Variants in KIF2C observed in about 807,000 individuals in gnomAD.
The protein encoded by KIF2C is kinesin-like protein KIF2C.
KIF2C carries 34 observed loss-of-function variants against 97.4 expected under a neutral mutation model. That is an observed-to-expected ratio of 0.35 (90% confidence interval 0.27 to 0.46). KIF2C has a LOEUF of 0.46. Among genes scored for constraint, KIF2C ranks in the 20% least tolerant of loss-of-function variants. The pLI is 1.00. For synonymous variants in KIF2C, 313 were observed against 318.2 expected (o/e 0.98, Z 0.17); for missense variants, 750 against 907.6 (o/e 0.83, Z 2.23).
Position 44,739,975 on chromosome 1 carries a change from C to G in KIF2C, c.43C>G (p.Leu15Val). The change falls in exon 1 of 21, where the codon CTC becomes GTC. Residue 15 changes from leucine (L) to valine (V), a missense_variant. By Grantham distance (32) the Leu-to-Val change is conservative. Coordinates refer to ENST00000372224, the MANE Select transcript of KIF2C (RefSeq NM_006845.4). ...GCTTCAGGCCCGCCTGTTTCCCGGT[C>G]TCGCTATCAAGATCCAACGCAGTAA... ...SSLQARLFPG[L>V]AIKIQRSNGL... 6.2e-7 allele frequency: 1 copy of G among 1,614,232 alleles called. No individual in the cohort carries two copies. Among genetic ancestry groups the G allele is most frequent in the African/African-American group, 1.3e-5 (1 of 75,064 alleles).
At chr1:44,765,068 C>T (rs1650380972) in intron 19 of KIF2C, among the ~76,000 whole-genome samples, 3 of 152,052 alleles carry the variant, frequency 2.0e-5, no homozygotes, top group South Asian at 2.1e-4. Context: ...TATAGTGAGC[C>T]GAGATGGTGC....
At chr1:44,763,636 G>T (rs1054450285) in intron 19 of KIF2C, among the ~76,000 whole-genome samples, 1 of 152,178 alleles carries the variant, frequency 6.6e-6, no homozygotes, top group Non-Finnish European at 1.5e-5. Context: ...ACATGGGCAT[G>T]TCAGAGCTTT....
In KIF2C at chr1:44,762,433, G is replaced by T; in HGVS notation, c.1839G>T (p.Gly613=). 5 of 1,614,152 alleles carry T rather than the reference G, an allele frequency of 3.1e-6. No homozygotes were observed. The highest frequency in any genetic ancestry group is 4.2e-6 in the Non-Finnish European group (5 of 1,179,988). The change falls in exon 18 of 21, where the codon GGG becomes GGT. Residue 613 remains glycine (G), a synonymous_variant. Coordinates refer to ENST00000372224, the MANE Select transcript of KIF2C (RefSeq NM_006845.4). ...AAGAGATGGAAGCCTGCTCTAACGGGGCGCTGATTCCAGGCAATGTAAGGA... is the reference window on the plus strand; with the variant it reads ...AAGAGATGGAAGCCTGCTCTAACGGTGCGCTGATTCCAGGCAATGTAAGGA... ...ETEEMEACSN[G]ALIPGNLSKE...
At chr1:44,740,713 GT>G (rs1648888269) in intron 1 of KIF2C, among the ~76,000 whole-genome samples, 199 bp from the exon 2 acceptor site, 1 of 151,144 alleles carries the variant, frequency 6.6e-6, no homozygotes, top group South Asian at 2.1e-4. Flanking sequence ...TTAAAAACCT[GT>G]CCCCAGCCCA....
At chr1:44,740,848 T>C in intron 1 of KIF2C, 65 bp from the exon 2 acceptor site, 1 of 1,024,278 alleles carries the variant, frequency 9.8e-7, no homozygotes, top group Non-Finnish European at 1.4e-6. Context: ...GGAATCTCTG[T>C]GGAATCCTAA....
At chr1:44,753,955 A>ATTATTTTT in intron 7 of KIF2C, 122 bp downstream of exon 7, 1 of 192,994 alleles carries the variant, frequency 5.2e-6, no homozygotes, top group Non-Finnish European at 8.9e-6. Flanking sequence ...TGAGGCCCCA[A>ATTATTTTT]TTCTTTTTTT....
chr1:44,761,472 G>A (rs556719629), intron 16 of KIF2C, among the ~76,000 whole-genome samples: 5 of 152,250 alleles, frequency 3.3e-5, no homozygotes, highest in African/African-American at 1.2e-4. Flanking sequence ...GCCAGGTGTG[G>A]TGGCAGGTGC....
Position 44,767,120 on chromosome 1 carries a change from G to A in KIF2C, c.2119G>A (p.Ala707Thr). 1.9e-6 allele frequency: 3 copies of A among 1,614,156 alleles called. No homozygotes were observed. Among genetic ancestry groups the A allele is most frequent in the Non-Finnish European group, 2.5e-6 (3 of 1,180,004 alleles). Reference sequence around the variant, plus strand: ...AGATGTCATCAAGGCCTTGCGCCTGGCCATGCAGCTGGAAGAGCAGGCTAG... The same window carrying A: ...AGATGTCATCAAGGCCTTGCGCCTGACCATGCAGCTGGAAGAGCAGGCTAG... ...LRDVIKALRL[A>T]MQLEEQASRQ... The change falls in exon 21 of 21, where the codon GCC (alanine) becomes ACC (threonine). Residue 707 changes from alanine (A) to threonine (T), a missense_variant. Physicochemically the swap from Ala to Thr is moderately conservative, Grantham distance 58. Transcript: ENST00000372224.
At chr1:44,752,494 T>C (rs1389391691) in intron 5 of KIF2C, among the ~76,000 whole-genome samples, 1 of 152,190 alleles carries the variant, frequency 6.6e-6, no homozygotes, top group Non-Finnish European at 1.5e-5. Context: ...TTAGTAAATA[T>C]AAATAAAAAT....
At chr1:44,750,942 G>A (rs1483429147) in intron 5 of KIF2C, among the ~76,000 whole-genome samples, 1 of 152,092 alleles carries the variant, frequency 6.6e-6, no homozygotes, top group African/African-American at 2.4e-5. Flanking sequence ...TTTGGAAGAG[G>A]TGAAAGACTA....
rs1024625668 is a variant in KIF2C at position 44,761,975 on chromosome 1, T to C, written c.1743T>C (p.Tyr581=). ...AATATACTTTAAACACCCTGAGATA[T>C]GCAGACAGGTACTAGTACCTACAGC... The part of the protein sequence containing the change: ...SCEYTLNTLR[Y]ADRVKELSPH... The change falls in exon 17 of 21, where the codon TAT becomes TAC. Residue 581 remains tyrosine (Y), a synonymous_variant. Coordinates refer to ENST00000372224, the MANE Select transcript of KIF2C (RefSeq NM_006845.4). 6 of 1,613,842 alleles carry C rather than the reference T, an allele frequency of 3.7e-6. No individual in the cohort carries two copies. The highest frequency in any genetic ancestry group is 1.7e-5 in the Admixed American group (1 of 59,996).
At chr1:44,751,354 C>T (rs1284678836) in intron 5 of KIF2C, among the ~76,000 whole-genome samples, 2 of 152,058 alleles carry the variant, frequency 1.3e-5, no homozygotes, top group Non-Finnish European at 2.9e-5. Flanking sequence ...TGCCACCACG[C>T]CCGGCTAATT....
At chr1:44,766,053 A>G (rs1176740114) in intron 19 of KIF2C, among the ~76,000 whole-genome samples, 1 of 151,636 alleles carries the variant, frequency 6.6e-6, no homozygotes, top group African/African-American at 2.4e-5. Flanking sequence ...TCCGTCTTAA[A>G]GAAAAAATAA....
chr1:44,762,744 T>C, intron 19 of KIF2C, 86 bp downstream of exon 19: 1 of 857,058 alleles, frequency 1.2e-6, no homozygotes, highest in East Asian at 2.5e-5. Flanking sequence ...ACCTGGGCCT[T>C]GTTCCCACAG....
At chr1:44,751,039 G>A (rs1233962057) in intron 5 of KIF2C, among the ~76,000 whole-genome samples, 1 of 152,112 alleles carries the variant, frequency 6.6e-6, no homozygotes, top group Admixed American at 6.5e-5. Context: ...TTCATAAACA[G>A]AACACACTCA....
chr1:44,751,818 T>TA (rs1239490198), intron 5 of KIF2C, among the ~76,000 whole-genome samples: 2 of 104,842 alleles, frequency 1.9e-5, no homozygotes, highest in Non-Finnish European at 3.7e-5. Flanking sequence ...CCTCTTTTTA[T>TA]ACCTTTTTTT....
intron 1 of KIF2C, 107 bp from the exon 2 acceptor site, chr1:44,740,806 G>A (rs1383219648): frequency 1.1e-5 from 4 of 369,632 alleles, no homozygotes; most frequent in Non-Finnish European, 2.0e-5. Flanking sequence ...TTTTAAGGTA[G>A]CTGCCTGTTC....
chr1:44,741,379 C>CAAA (rs764626810), intron 2 of KIF2C, among the ~76,000 whole-genome samples: 2 of 58,490 alleles, frequency 3.4e-5, no homozygotes, highest in Middle Eastern at 0.011. Flanking sequence ...GAATCTGTCT[C>CAAA]AAAAAAAAAA....
rs1419687220 is a variant in KIF2C, at chr1:44,750,677, C to A, written c.439+113C>A. On this transcript the variant is annotated intron_variant, in intron 5 of 20. Coordinates refer to ENST00000372224, the MANE Select transcript of KIF2C (RefSeq NM_006845.4). ...CCATTCCCCCAGCTTCAGAACTGGT[C>A]TGCTCCTGCCCTACCAACACGGCTT... 1.2e-5 allele frequency: 15 copies of A among 1,209,858 alleles called. No individual in the cohort carries two copies. In the South Asian group the frequency reaches 3.5e-4, roughly 28 times the overall value. The allele number at this position is 1,209,858 out of a possible 1,614,324, so 74.9% of individuals were successfully genotyped here.
Sources: gnomAD v4.1 joint callset for allele counts (sites outside exome capture counted in the v4.1 genomes callset) on GRCh38, gnomAD v4.1.1 for gene constraint, MANE v1.5 for transcripts, NCBI Gene and HGNC (gene_info 2026-07-23, HGNC 2026-07-21) for gene names.